Variants in LRMDA observed in about 807,000 individuals in gnomAD.
The protein encoded by LRMDA is leucine-rich melanocyte differentiation-associated protein.
A neutral mutation model predicts 29.8 loss-of-function variants in LRMDA; 18 were observed. The observed-to-expected ratio is 0.60, with a 90% CI of 0.42 to 0.90. The LOEUF (loss-of-function observed/expected upper bound fraction) is 0.90. Among genes scored for constraint, LRMDA ranks in the 40% least tolerant of loss-of-function variants. The pLI, the probability that LRMDA is intolerant of heterozygous loss-of-function variation, is 0.00. For missense variants in LRMDA, 273 were observed against 273.9 expected (o/e 1.00, Z 0.02); for synonymous variants, 125 against 109.4 (o/e 1.14, Z -0.89).
At chr10:75,924,808 C>T (rs1196531686) in intron 2 of LRMDA, among the ~76,000 whole-genome samples, 3 of 152,110 alleles carry the variant, frequency 2.0e-5, no homozygotes, top group Admixed American at 6.6e-5. Flanking sequence ...GGGGAGGCTT[C>T]GTATGTGGGT....
chr10:75,622,251 TAGAC>T (rs1841197783), intron 2 of LRMDA, among the ~76,000 whole-genome samples: 1 of 152,094 alleles, frequency 6.6e-6, no homozygotes, highest in African/African-American at 2.4e-5. Context: ...AATTCAGACA[TAGAC>T]AAAGATGGGG....
At chr10:76,451,276 A>C (rs568934366) in intron 6 of LRMDA, among the ~76,000 whole-genome samples, 2 of 150,430 alleles carry the variant, frequency 1.3e-5, no homozygotes, top group African/African-American at 4.9e-5. Context: ...ATCTCGGCTC[A>C]CTGCAAGCTC....
chr10:75,699,655 A>C (rs1271767392), intron 2 of LRMDA, among the ~76,000 whole-genome samples: 1 of 152,120 alleles, frequency 6.6e-6, no homozygotes, highest in African/African-American at 2.4e-5. Flanking sequence ...GATTTAATAC[A>C]CTCATCTACT....
At chr10:76,043,100 C>T (rs887847893) in intron 3 of LRMDA, among the ~76,000 whole-genome samples, 5 of 151,594 alleles carry the variant, frequency 3.3e-5, no homozygotes, top group African/African-American at 9.7e-5. Flanking sequence ...CCAGCCTGGG[C>T]GACAGAGTGA....
chr10:75,809,999 A>T (rs1307212310), intron 2 of LRMDA, among the ~76,000 whole-genome samples: 11 of 152,306 alleles, frequency 7.2e-5, no homozygotes, highest in Middle Eastern at 3.4e-3. Flanking sequence ...TGCTGGTTGC[A>T]TTCTCATGAA....
At chr10:75,482,952 T>C (rs1407409656) in intron 2 of LRMDA, among the ~76,000 whole-genome samples, 1 of 145,222 alleles carries the variant, frequency 6.9e-6, no homozygotes, top group East Asian at 2.0e-4. Flanking sequence ...CCTTTCCTTC[T>C]TTTTTTTTTT....
intron 2 of LRMDA, among the ~76,000 whole-genome samples, chr10:75,625,784 T>C (rs1284623804): frequency 6.6e-6 from 1 of 152,158 alleles, no homozygotes; most frequent in African/African-American, 2.4e-5. Flanking sequence ...AAAAGTATCA[T>C]AGAGAAAGGA....
At chr10:76,457,238 AC>A (rs1368908123) in intron 6 of LRMDA, among the ~76,000 whole-genome samples, 2 of 152,190 alleles carry the variant, frequency 1.3e-5, no homozygotes, top group African/African-American at 2.4e-5. Context: ...CAGCCATGGG[AC>A]AAGTAACGTA....
At chr10:75,846,369 T>C (rs1844637891) in intron 2 of LRMDA, among the ~76,000 whole-genome samples, 1 of 152,074 alleles carries the variant, frequency 6.6e-6, no homozygotes, top group African/African-American at 2.4e-5. Context: ...AAAAGCCAAA[T>C]AATGAGAAAA....
intron 6 of LRMDA, among the ~76,000 whole-genome samples, chr10:76,409,962 A>G (rs1037940998): frequency 4.6e-5 from 7 of 152,198 alleles, no homozygotes; most frequent in Non-Finnish European, 8.8e-5. Context: ...GTAGAATCCA[A>G]TTTTAAGCAA....
At chr10:76,327,717 T>C (rs1840853504) in intron 6 of LRMDA, among the ~76,000 whole-genome samples, 1 of 152,134 alleles carries the variant, frequency 6.6e-6, no homozygotes, top group African/African-American at 2.4e-5. Context: ...CTTGATTGCA[T>C]GTGAGAAAGG....
chr10:76,228,940 A>G (rs1226913406), intron 5 of LRMDA, among the ~76,000 whole-genome samples: 2 of 152,234 alleles, frequency 1.3e-5, no homozygotes, highest in Admixed American at 6.5e-5. Context: ...CTAATAACTC[A>G]GGAATAACTA....
chr10:76,092,638 A>G (rs1346443926), intron 5 of LRMDA, among the ~76,000 whole-genome samples: 1 of 152,230 alleles, frequency 6.6e-6, no homozygotes, highest in South Asian at 2.1e-4. Flanking sequence ...TCACAGTTTC[A>G]TCATTAGATC....
chr10:75,942,829 A>G (rs1411226654), intron 2 of LRMDA, among the ~76,000 whole-genome samples: 1 of 152,130 alleles, frequency 6.6e-6, no homozygotes, highest in Non-Finnish European at 1.5e-5. Flanking sequence ...GATCACAGAG[A>G]CATTGCTCTC....
At chr10:76,426,208 C>T (rs1458935683) in intron 6 of LRMDA, among the ~76,000 whole-genome samples, 1 of 152,224 alleles carries the variant, frequency 6.6e-6, no homozygotes, top group Admixed American at 6.5e-5. Flanking sequence ...AACTAGTTTT[C>T]AGTCCCATCA....
At chr10:76,174,814 C>T (rs1340925312) in intron 5 of LRMDA, among the ~76,000 whole-genome samples, 2 of 152,094 alleles carry the variant, frequency 1.3e-5, no homozygotes, top group African/African-American at 4.8e-5. Context: ...TGTTTCTGAG[C>T]TTTAGAGAAA....
intron 5 of LRMDA, among the ~76,000 whole-genome samples, chr10:76,156,307 A>G (rs887519905): frequency 6.6e-6 from 1 of 152,200 alleles, no homozygotes; most frequent in African/African-American, 2.4e-5. Flanking sequence ...GGGCACTTAC[A>G]GCAAGCTCAC....
At chr10:75,925,945 C>A (rs1021145593) in intron 2 of LRMDA, among the ~76,000 whole-genome samples, 1 of 152,144 alleles carries the variant, frequency 6.6e-6, no homozygotes, top group African/African-American at 2.4e-5. Context: ...TCATTTAGCT[C>A]CCATAACAAC....
intron 2 of LRMDA, among the ~76,000 whole-genome samples, chr10:75,522,728 C>T (rs1223044936): frequency 1.3e-5 from 2 of 152,302 alleles, no homozygotes; most frequent in East Asian, 3.9e-4. Context: ...ATAGAGAAGT[C>T]ATTTACTAAA....
Sources: gnomAD v4.1 joint callset for allele counts (sites outside exome capture counted in the v4.1 genomes callset) on GRCh38, gnomAD v4.1.1 for gene constraint, MANE v1.5 for transcripts, NCBI Gene and HGNC (gene_info 2026-07-23, HGNC 2026-07-21) for gene names.